MAST4: variants seen among roughly 807,000 people sequenced by gnomAD.
MAST4 encodes microtubule associated serine/threonine kinase family member 4, also known as microtubule-associated serine/threonine-protein kinase 4.
In MAST4, 89 loss-of-function variants were observed where a neutral mutation model predicts 162.7. The ratio of observed to expected loss-of-function variants is 0.55; its 90% confidence interval spans 0.46 to 0.65. The LOEUF (loss-of-function observed/expected upper bound fraction) is 0.65, where lower values mean the gene tolerates loss of function less well. Ranked by LOEUF, MAST4 falls within the 30% of genes least tolerant of loss-of-function variation. The pLI, the probability that MAST4 is intolerant of heterozygous loss-of-function variation, is 0.00. For missense variants in MAST4, 3,153 were observed against 3,374.0 expected (o/e 0.93, Z 1.62); for synonymous variants, 1,479 against 1,361.1 (o/e 1.09, Z -1.91).
intron 12 of MAST4, chr5:67,114,435 G>A (rs553665054): frequency 3.0e-4 from 151 of 505,442 alleles, no homozygotes; most frequent in African/African-American, 2.8e-3. Flanking sequence ...CTAGAGCGTG[G>A]GTCAGGCCTT....
chr5:66,886,741 G>T (rs151300760), intron 3 of MAST4, among the ~76,000 whole-genome samples: 92 of 150,508 alleles, frequency 6.1e-4, no homozygotes, highest in African/African-American at 2.0e-3. Context: ...AGAAACTAAA[G>T]TGAAAACCAC....
intron 1 of MAST4, among the ~76,000 whole-genome samples, chr5:66,756,927 A>T (rs917984870): frequency 6.6e-6 from 1 of 152,186 alleles, no homozygotes; most frequent in Non-Finnish European, 1.5e-5. Context: ...GATTTAAAAT[A>T]ATACTCCCTT....
intron 15 of MAST4, 142 bp from the exon 16 acceptor site, chr5:67,131,671 T>C (rs1461741176): frequency 4.3e-6 from 3 of 699,858 alleles, no homozygotes; most frequent in Non-Finnish European, 6.9e-6. Context: ...ACATGATAGG[T>C]TAACACATAG....
chr5:66,865,824 C>T (rs1760473004), intron 3 of MAST4, among the ~76,000 whole-genome samples: 1 of 152,058 alleles, frequency 6.6e-6, no homozygotes, highest in African/African-American at 2.4e-5. Context: ...CCTGTAATCC[C>T]AGCACTTTGG....
At chr5:66,932,865 C>T (rs1252583221) in intron 4 of MAST4, among the ~76,000 whole-genome samples, 1 of 152,088 alleles carries the variant, frequency 6.6e-6, no homozygotes, top group Non-Finnish European at 1.5e-5. Context: ...TTTTATTCAT[C>T]TGAAGTCTGT....
At chr5:66,980,538 TCA>T (rs377634752) in intron 4 of MAST4, among the ~76,000 whole-genome samples, 80 of 152,328 alleles carry the variant, frequency 5.3e-4, no homozygotes, top group African/African-American at 1.9e-3. Context: ...TGCCTTGTCC[TCA>T]CGTGGAATTT....
chr5:66,876,623 G>A (rs1189509773), intron 3 of MAST4, among the ~76,000 whole-genome samples: 3 of 152,204 alleles, frequency 2.0e-5, no homozygotes, highest in African/African-American at 7.2e-5. Context: ...ATCTGTTGAA[G>A]CCACTCCGTA....
chr5:66,921,082 A>G (rs968318938), intron 4 of MAST4, among the ~76,000 whole-genome samples: 24 of 152,290 alleles, frequency 1.6e-4, no homozygotes, highest in African/African-American at 5.8e-4. Flanking sequence ...CACTAGAATA[A>G]TAAAGCAATG....
intron 4 of MAST4, among the ~76,000 whole-genome samples, chr5:66,917,594 CT>C (rs59415824): frequency 1.6e-4 from 20 of 127,786 alleles, no homozygotes; most frequent in East Asian, 1.5e-3. Context: ...GATTCTCTTT[CT>C]TTTTTTTTTT....
chr5:66,613,048 A>C (rs1579988987), intron 1 of MAST4, among the ~76,000 whole-genome samples: 1 of 152,130 alleles, frequency 6.6e-6, no homozygotes, highest in East Asian at 1.9e-4. Flanking sequence ...AAAGATTTGT[A>C]TCTTGCTAGG....
chr5:67,129,147 C>G (rs547824727), intron 14 of MAST4, among the ~76,000 whole-genome samples: 2 of 152,232 alleles, frequency 1.3e-5, no homozygotes, highest in Non-Finnish European at 2.9e-5. Context: ...ACACCTTGAC[C>G]GTGGGTCTGA....
intron 3 of MAST4, among the ~76,000 whole-genome samples, chr5:66,827,439 T>G (rs1757320015): frequency 6.6e-6 from 1 of 152,216 alleles, no homozygotes. Context: ...AAAGACCGTT[T>G]GGGAACATAA....
chr5:66,597,023 G>T lies in MAST4; in HGVS notation c.363+5G>T. The T allele has an allele frequency of 7.0e-7, 1 of 1,433,138 alleles. No individual in the cohort carries two copies. Among genetic ancestry groups the T allele is most frequent in the Non-Finnish European group, 9.1e-7 (1 of 1,099,848 alleles). The allele number at this position is 1,433,138 out of a possible 1,614,324, so 88.8% of individuals were successfully genotyped here. On this transcript the variant is annotated splice_donor_5th_base_variant and intron_variant, in intron 1 of 28. Coordinates refer to ENST00000403625, the MANE Select transcript of MAST4 (RefSeq NM_001164664.2). ...CAGGAGGAGCAGGACGAGGAGGTGG[G>T]CCTTTCCCCAGCTTGCCCACTCTGG...
chr5:67,036,881 TGTG>T (rs971421598), intron 4 of MAST4, among the ~76,000 whole-genome samples: 4 of 152,198 alleles, frequency 2.6e-5, no homozygotes, highest in African/African-American at 7.2e-5. Flanking sequence ...AATCCCATCT[TGTG>T]GTGATAGTAT....
chr5:67,080,939 ATATT>A (rs1278585037), intron 5 of MAST4, among the ~76,000 whole-genome samples: 1 of 139,714 alleles, frequency 7.2e-6, no homozygotes, highest in Non-Finnish European at 1.5e-5. Context: ...TTAATTATAT[ATATT>A]ATATAATATA....
At chr5:66,629,215 G>T (rs1324090892) in intron 1 of MAST4, among the ~76,000 whole-genome samples, 1 of 152,182 alleles carries the variant, frequency 6.6e-6, no homozygotes, top group Non-Finnish European at 1.5e-5. Flanking sequence ...TTAGATAAAA[G>T]AAACATACTT....
chr5:66,893,563 A>G (rs1163775958), intron 3 of MAST4, among the ~76,000 whole-genome samples: 4 of 152,222 alleles, frequency 2.6e-5, no homozygotes, highest in African/African-American at 9.6e-5. Flanking sequence ...AGCACAAATA[A>G]ATATATGAAA....
intron 4 of MAST4, among the ~76,000 whole-genome samples, chr5:67,047,491 C>A (rs926598260): frequency 6.6e-6 from 1 of 152,220 alleles, no homozygotes; most frequent in Non-Finnish European, 1.5e-5. Context: ...CCTTTCCTGA[C>A]CACCTGTTTG....
At chr5:67,096,923 T>G (rs1467188109) in intron 7 of MAST4, among the ~76,000 whole-genome samples, 5 of 152,148 alleles carry the variant, frequency 3.3e-5, no homozygotes, top group Non-Finnish European at 5.9e-5. Context: ...AAATCCTGAA[T>G]AGCATGAATG....
Sources: allele counts gnomAD v4.1 joint callset (sites outside exome capture counted in the v4.1 genomes callset), GRCh38; gene constraint gnomAD v4.1.1; transcripts MANE v1.5; gene names NCBI Gene and HGNC (gene_info 2026-07-23, HGNC 2026-07-21).